Variants in DNAH1 observed in about 807,000 individuals in gnomAD.
DNAH1 encodes dynein axonemal heavy chain 1.
A neutral mutation model predicts 484.3 loss-of-function variants in DNAH1; 327 were observed. That is an observed-to-expected ratio of 0.68 (90% CI 0.62 to 0.74). The LOEUF is 0.74. DNAH1 is among the 30% of genes least tolerant of loss of function. DNAH1 has a pLI of 0.00. For missense variants in DNAH1, 5,052 were observed against 5,546.8 expected (o/e 0.91, Z 2.83); for synonymous variants, 2,192 against 2,191.9 (o/e 1.00, Z 0.00).
chr3:52,377,932 T>C (rs905107490), intron 46 of DNAH1, among the ~76,000 whole-genome samples: 13 of 152,154 alleles, frequency 8.5e-5, no homozygotes, highest in African/African-American at 3.1e-4. Flanking sequence ...GAGTGTCAGC[T>C]TGAGGGCAAG....
intron 54 of DNAH1, among the ~76,000 whole-genome samples, chr3:52,385,853 T>C (rs1559559749): frequency 6.6e-6 from 1 of 152,098 alleles, no homozygotes; most frequent in Non-Finnish European, 1.5e-5. Flanking sequence ...TCCCAGTAGA[T>C]AGAAAGAAGC....
chr3:52,400,091 T>C (rs1704842306), intron 77 of DNAH1, among the ~76,000 whole-genome samples: 1 of 152,130 alleles, frequency 6.6e-6, no homozygotes, highest in Non-Finnish European at 1.5e-5. Context: ...TTGGACTAGG[T>C]CCATCAGAGA....
rs753718532 is a variant in DNAH1, at chr3:52,349,206, C to T, written c.2312C>T (p.Thr771Met). 20 of 1,613,458 alleles carry T rather than the reference C, an allele frequency of 1.2e-5. No homozygotes were observed. The highest frequency in any genetic ancestry group is 5.5e-5 in the South Asian group (5 of 91,050). The change falls in exon 14 of 78, where the codon ACG becomes ATG. Residue 771 changes from threonine (T) to methionine (M), a missense_variant. Physicochemically the swap from Thr to Met is moderately conservative, Grantham distance 81. This residue lies in a region of DNAH1 where 1,263 missense variants were observed against 1,218.8 expected (regional missense o/e 1.04). Coordinates refer to ENST00000420323, the MANE Select transcript of DNAH1 (RefSeq NM_015512.5). Reference protein sequence around the residue: ...DIASFLKTYQTQGLLAQEVRE... With the variant: ...DIASFLKTYQMQGLLAQEVRE... The stretch of plus-strand genomic sequence containing the variant: ...CTTGCTGTCCTCAGAACCTACCAGA[C>T]GCAGGGCCTGTTGGCCCAGGAGGTG...
At chr3:52,337,918 C>T (rs1701792920) in intron 8 of DNAH1, among the ~76,000 whole-genome samples, 2 of 152,308 alleles carry the variant, frequency 1.3e-5, no homozygotes, top group African/African-American at 4.8e-5. Flanking sequence ...CTTCAGCCTC[C>T]TGAGTAGCTG....
In DNAH1 at chr3:52,391,218, C is replaced by T. The variant is rs150835931; in HGVS notation, c.9781C>T (p.Arg3261Cys). 4.9e-5 allele frequency: 79 copies of T among 1,613,882 alleles called. No homozygotes were observed. Among genetic ancestry groups the T allele is most frequent in the Non-Finnish European group, 6.2e-5 (73 of 1,179,856 alleles). The stretch of plus-strand genomic sequence containing the variant: ...GCTGGATGTGTTCAAGTTGAGTGAC[C>T]GCGACTTCCTGCGCAGCATGGAGAA... Reference protein sequence around the residue: ...NGLDVFKLSDRDFLRSMENAI... With the variant: ...NGLDVFKLSDCDFLRSMENAI... Residue 3261 changes from arginine (R) to cysteine (C), a missense_variant, in exon 62 of 78, where the codon CGC becomes TGC. Transcript: ENST00000420323.
intron 26 of DNAH1, 94 bp from the exon 27 acceptor site, chr3:52,359,822 G>T: frequency 6.6e-7 from 1 of 1,515,302 alleles, no homozygotes; most frequent in South Asian, 1.2e-5. Flanking sequence ...CAGGATAGAG[G>T]GACTGTTTGT....
intron 44 of DNAH1, 117 bp downstream of exon 44, chr3:52,373,170 T>A: frequency 1.7e-6 from 2 of 1,176,746 alleles, no homozygotes; most frequent in Non-Finnish European, 2.3e-6. Flanking sequence ...TGTTTTAATT[T>A]CTCTTAAAAT....
intron 46 of DNAH1, 49 bp from the exon 47 acceptor site, chr3:52,378,553 C>T (rs561438069): frequency 6.3e-6 from 10 of 1,592,062 alleles, no homozygotes; most frequent in Admixed American, 3.4e-5. Flanking sequence ...GCAGAGGCGG[C>T]AGAGGGAGCT....
rs1704557897 is a variant in DNAH1 at position 52,395,028 on chromosome 3, C to T, written c.10937C>T (p.Thr3646Ile). The change falls in exon 68 of 78, where the codon ACC becomes ATC. Residue 3646 changes from threonine to isoleucine, a missense_variant. This residue lies in a region of DNAH1 where 853 missense variants were observed against 899.0 expected (regional missense o/e 0.95). Transcript: ENST00000420323. This position sits in a 1 kb window ranked among gnomAD's most constrained non-coding sequence, Gnocchi z 4.4. Reference protein sequence around the residue: ...VTNAMQDFVATNLEPRFIEPQ... With the variant: ...VTNAMQDFVAINLEPRFIEPQ... Reference sequence around the variant, plus strand: ...AACGCCATGCAGGACTTTGTGGCCACCAACCTGGAGCCACGCTTCATTGAA... The same window carrying T: ...AACGCCATGCAGGACTTTGTGGCCATCAACCTGGAGCCACGCTTCATTGAA... 1 of 1,610,890 alleles carries T rather than the reference C, an allele frequency of 6.2e-7. No individual in the cohort carries two copies.
At chr3:52,326,441 A>T in intron 4 of DNAH1, 127 bp downstream of exon 4, 2 of 1,217,632 alleles carry the variant, frequency 1.6e-6, no homozygotes, top group East Asian at 2.5e-5. Context: ...GTTTAGATCG[A>T]ATCTTCTAGC....
chr3:52,378,678 C>G lies in DNAH1; in HGVS notation c.7275C>G (p.Ser2425=). Residue 2425 remains serine, a synonymous_variant, in exon 47 of 78, where the codon TCC becomes TCG. Transcript: ENST00000420323. The part of the protein sequence containing the change: ...ATIMVYATIT[S]QLLPTPAKSH... ...TCATGGTGTATGCAACCATCACCTC[C>G]CAGCTGCTGCCCACTCCAGCCAAGT... is the stretch of plus-strand genomic sequence containing the variant. 6.2e-7 allele frequency: 1 copy of G among 1,613,836 alleles called. No homozygotes were observed. Among genetic ancestry groups the G allele is most frequent in the Non-Finnish European group, 8.5e-7 (1 of 1,179,862 alleles).
chr3:52,381,983 C>A lies in DNAH1; in HGVS notation c.7805+147C>A. ...TACAGGCTTCTGGAAAGACTAGTAG[C>A]AGGATCTGGGCTCCAGGGAGAGGCA... On this transcript the variant is annotated intron_variant, in intron 49 of 77. Coordinates refer to ENST00000420323, the MANE Select transcript of DNAH1 (RefSeq NM_015512.5). This position sits in a 1 kb window ranked among gnomAD's most constrained non-coding sequence, Gnocchi z 4.1. The A allele has an allele frequency of 2.1e-6, 2 of 934,730 alleles. No individual in the cohort carries two copies. Among genetic ancestry groups the A allele is most frequent in the Non-Finnish European group, 3.1e-6 (2 of 641,150 alleles). The allele number at this position is 934,730 out of a possible 1,614,324, so 57.9% of individuals were successfully genotyped here.
rs80257444 is a variant in DNAH1, at chr3:52,380,607, G to A, written c.7608+472G>A. 4.7e-3 allele frequency among the ~76,000 whole-genome samples: 715 copies of A among 152,350 alleles called. 9 individuals are homozygous for A. The highest frequency in any genetic ancestry group is 0.016 in the African/African-American group (683 of 41,582). On this transcript the variant is annotated intron_variant, in intron 48 of 77. Transcript: ENST00000420323. ...GTAAGCCCCAGAAGGAGCAGGCAGG[G>A]CTCTGACCCAACTCTCAGGCCTCCA...
chr3:52,323,266 G>A (rs1022898885), intron 2 of DNAH1, among the ~76,000 whole-genome samples: 2 of 152,042 alleles, frequency 1.3e-5, no homozygotes, highest in African/African-American at 2.4e-5. Flanking sequence ...GAGAGGGCAC[G>A]GCTGTGTGAA....
At chr3:52,396,596 C>T (rs1449107479) in intron 71 of DNAH1, 22 bp from the exon 72 acceptor site, 4 of 1,611,184 alleles carry the variant, frequency 2.5e-6, no homozygotes, top group Non-Finnish European at 2.5e-6. Context: ...TCCTCACCTC[C>T]CCTGCCTCCC....
At position 52,362,395 on chromosome 3, in the gene DNAH1, G is replaced by C; in HGVS notation, c.4988G>C (p.Arg1663Pro). 1.9e-6 allele frequency: 3 copies of C among 1,613,584 alleles called. No individual in the cohort carries two copies. The highest frequency in any genetic ancestry group is 2.5e-6 in the Non-Finnish European group (3 of 1,179,730). ...AGCCTCTCCCCACTGCAGGTGGAAC[G>C]CTTCATGTTTGAGGGTGTGGAGATC... ...IQKAQQQRVE[R>P]FMFEGVEIPL... Residue 1663 changes from arginine to proline, a missense_variant, in exon 31 of 78, where the codon CGC becomes CCC. Physicochemically the swap from Arg to Pro is moderately radical, Grantham distance 103. Coordinates refer to ENST00000420323, the MANE Select transcript of DNAH1 (RefSeq NM_015512.5). The surrounding 1 kb of genome is among the most constrained non-coding windows in gnomAD (Gnocchi z 5.1).
Position 52,384,020 on chromosome 3 carries a change from A to G in DNAH1, c.8311A>G (p.Ile2771Val), listed in dbSNP as rs769357550. The change falls in exon 52 of 78, where the codon ATC (isoleucine) becomes GTC (valine). Residue 2771 changes from isoleucine (I) to valine (V), a missense_variant. Physicochemically the swap from Ile to Val is conservative, Grantham distance 29. Coordinates refer to ENST00000420323, the MANE Select transcript of DNAH1 (RefSeq NM_015512.5). ...AGAACTGGAATCCTCCCAGGAAGAAATCCAAGGACTGGTGGGTGTCTTGCT... is the reference window on the plus strand; with the variant it reads ...AGAACTGGAATCCTCCCAGGAAGAAGTCCAAGGACTGGTGGGTGTCTTGCT... ...IPELESSQEE[I>V]QGLIQVCVYI... 2 of 1,604,668 alleles carry G rather than the reference A, an allele frequency of 1.2e-6. No homozygotes were observed. The highest frequency in any genetic ancestry group is 1.7e-6 in the Non-Finnish European group (2 of 1,174,966).
upstream of DNAH1, among the ~76,000 whole-genome samples, chr3:52,311,808 C>G (rs533230666): frequency 1.3e-5 from 2 of 152,324 alleles, no homozygotes; most frequent in African/African-American, 2.4e-5. Context: ...GGCATCAGGA[C>G]GAGACCTGTG....
chr3:52,373,093 C>A, intron 44 of DNAH1, 40 bp downstream of exon 44: 3 of 1,580,396 alleles, frequency 1.9e-6, no homozygotes, highest in Non-Finnish European at 2.6e-6. Flanking sequence ...AAGGGCTACG[C>A]GTGCTGTGCA....
Sources: allele counts gnomAD v4.1 joint callset (sites outside exome capture counted in the v4.1 genomes callset), GRCh38; gene constraint gnomAD v4.1.1; regional missense constraint gnomAD v4.1.1; non-coding constraint Gnocchi (gnomAD v3.1); transcripts MANE v1.5; gene names NCBI Gene and HGNC (gene_info 2026-07-23, HGNC 2026-07-21).